The following UBE2E1 variants were observed in gnomAD, a reference collection of about 807,000 sequenced individuals.
The protein encoded by UBE2E1 is ubiquitin-conjugating enzyme E2 E1.
In UBE2E1, 6 loss-of-function variants were observed where a neutral mutation model predicts 21.4. That is an observed-to-expected ratio of 0.28 (90% CI 0.15 to 0.55). The LOEUF is 0.55. UBE2E1 is among the 20% of genes least tolerant of loss of function. The probability of loss-of-function intolerance (pLI) is 0.93; values close to 1 mark genes in which losing one functional copy is unlikely to be tolerated. For missense variants in UBE2E1, 142 were observed against 236.5 expected, an observed-to-expected ratio of 0.60 and a Z score of 2.62; for synonymous variants, 87 against 82.7, an observed-to-expected ratio of 1.05 and a Z score of -0.28.
intron 3 of UBE2E1, among the ~76,000 whole-genome samples, chr3:23,877,244 G>A (rs911624724): frequency 6.6e-6 from 1 of 152,146 alleles, no homozygotes; most frequent in Non-Finnish European, 1.5e-5. Flanking sequence ...CAGGGTATAT[G>A]CAAATTAACT....
chr3:23,859,048 G>A (rs569642151), intron 3 of UBE2E1, among the ~76,000 whole-genome samples: 3 of 152,118 alleles, frequency 2.0e-5, no homozygotes, highest in South Asian at 2.1e-4. Flanking sequence ...TACCATTTTT[G>A]TGTATCTTAC....
rs1380327129 is a variant in UBE2E1, at chr3:23,842,086, G to C, written c.203+30576G>C. ...CTTAAAACCTTTATTGTAACTAGGT[G>C]AAAGTAAATGTGGTGTAACTTTTGG... On this transcript the variant is annotated intron_variant, in intron 3 of 5. Coordinates refer to ENST00000306627, the MANE Select transcript of UBE2E1 (RefSeq NM_003341.5). This position sits in a 1 kb window ranked among gnomAD's most constrained non-coding sequence, Gnocchi z 4.6. 2.0e-5 allele frequency among the ~76,000 whole-genome samples: 3 copies of C among 152,154 alleles called. No homozygotes were observed. The East Asian group carries it at 5.8e-4, about 29-fold the overall frequency.
At chr3:23,814,534 A>G (rs931227179) in intron 3 of UBE2E1, among the ~76,000 whole-genome samples, 5 of 152,018 alleles carry the variant, frequency 3.3e-5, no homozygotes, top group South Asian at 4.2e-4. Context: ...TAGTTTCCCA[A>G]CTCACTCTTC....
In UBE2E1 at chr3:23,863,484, A is replaced by C. The variant is rs1370666307; in HGVS notation, c.204-24083A>C. ...CCAGATGCCTTCACAATTATCTAAA[A>C]GTCCTCAAAAGACATTCAGATGCAT... is the stretch of plus-strand genomic sequence containing the variant. On this transcript the variant is annotated intron_variant, in intron 3 of 5. Transcript: ENST00000306627. This position sits in a 1 kb window ranked among gnomAD's most constrained non-coding sequence, Gnocchi z 4.3. 6.6e-6 allele frequency among the ~76,000 whole-genome samples: 1 copy of C among 152,150 alleles called. No homozygotes were observed. Among genetic ancestry groups the C allele is most frequent in the Non-Finnish European group, 1.5e-5 (1 of 68,018 alleles).
intron 3 of UBE2E1, among the ~76,000 whole-genome samples, chr3:23,844,761 A>G (rs1450444150): frequency 6.6e-6 from 1 of 152,166 alleles, no homozygotes; most frequent in African/African-American, 2.4e-5. Context: ...GTTCATGAAC[A>G]TGTAGGTCAG....
At chr3:23,813,694 C>A (rs1699450407) in intron 3 of UBE2E1, among the ~76,000 whole-genome samples, 1 of 152,150 alleles carries the variant, frequency 6.6e-6, no homozygotes, top group Non-Finnish European at 1.5e-5. Flanking sequence ...AGGCACGTGC[C>A]ACCATGCCCA....
At chr3:23,886,799 C>T (rs573078264) in intron 3 of UBE2E1, among the ~76,000 whole-genome samples, 3 of 152,186 alleles carry the variant, frequency 2.0e-5, no homozygotes, top group Non-Finnish European at 4.4e-5. Context: ...TGAATAAATC[C>T]AATTCACATC....
At chr3:23,856,486 T>A (rs955818538) in intron 3 of UBE2E1, among the ~76,000 whole-genome samples, 2 of 152,244 alleles carry the variant, frequency 1.3e-5, no homozygotes, top group Non-Finnish European at 2.9e-5. Flanking sequence ...GGCATTATTT[T>A]CCTGGTACAT....
chr3:23,845,577 CTCTCTCTCTCTCTG>C (rs1285210868), intron 3 of UBE2E1, among the ~76,000 whole-genome samples: 7 of 58,906 alleles, frequency 1.2e-4, no homozygotes, highest in African/African-American at 4.1e-4. Context: ...CTCTCTCTCT[CTCTCTCTCTCTCTG>C]TGTGTGTGTG....
At chr3:23,844,440 A>G (rs1700154886) in intron 3 of UBE2E1, among the ~76,000 whole-genome samples, 1 of 152,178 alleles carries the variant, frequency 6.6e-6, no homozygotes, top group African/African-American at 2.4e-5. Context: ...GCCACATAGT[A>G]TTCCAAGGGG....
chr3:23,882,753 C>T (rs567714739), intron 3 of UBE2E1, among the ~76,000 whole-genome samples: 29 of 152,320 alleles, frequency 1.9e-4, no homozygotes, highest in African/African-American at 3.8e-4. Flanking sequence ...GGGGACCAGG[C>T]GCACCCTCTG....
chr3:23,864,419 T>C (rs1297803784), intron 3 of UBE2E1, among the ~76,000 whole-genome samples: 1 of 152,232 alleles, frequency 6.6e-6, no homozygotes, highest in Admixed American at 6.5e-5. Context: ...ATTCAAATCT[T>C]TGTCCTTCCT....
rs58491698 is a variant in UBE2E1 at position 23,842,249 on chromosome 3, G to GTGTGTGTGTGTGT, written c.203+30739_203+30740insTGTGTGTGTGTGT. Among the ~76,000 whole-genome samples the GTGTGTGTGTGTGT allele has an allele frequency of 3.1e-5, 3 of 98,326 alleles. No homozygotes were observed. Among genetic ancestry groups the GTGTGTGTGTGTGT allele is most frequent in the South Asian group, 3.7e-4 (1 of 2,726 alleles). The allele number at this position is 98,326 out of a possible 152,430, so 64.5% of individuals were successfully genotyped here. ...TGTGTGTGTGTGTGTGTGTGTGTGT[G>GTGTGTGTGTGTGT]GTGTTGTTGTTGTTGGCGACAGGGT... On this transcript the variant is annotated intron_variant, in intron 3 of 5. Coordinates refer to ENST00000306627, the MANE Select transcript of UBE2E1 (RefSeq NM_003341.5). The surrounding 1 kb of genome is among the most constrained non-coding windows in gnomAD (Gnocchi z 4.6).
chr3:23,840,671 C>G (rs1700066796), intron 3 of UBE2E1, among the ~76,000 whole-genome samples: 1 of 152,120 alleles, frequency 6.6e-6, no homozygotes. Flanking sequence ...GGAGTGTTCT[C>G]TCTGTTCTCT....
chr3:23,844,857 G>A (rs544209687), intron 3 of UBE2E1, among the ~76,000 whole-genome samples: 13 of 152,186 alleles, frequency 8.5e-5, no homozygotes, highest in Admixed American at 6.5e-4. Flanking sequence ...ATTTATTACC[G>A]TAGCCCTGTG....
At position 23,816,141 on chromosome 3, in the gene UBE2E1, A is replaced by G. The variant is rs1037498046; in HGVS notation, c.203+4631A>G. 6.6e-6 allele frequency among the ~76,000 whole-genome samples: 1 copy of G among 152,230 alleles called. No individual in the cohort carries two copies. The highest frequency in any genetic ancestry group is 1.5e-5 in the Non-Finnish European group (1 of 68,044). ...TGGATTGTAAAACTGTACTATTGTT[A>G]TTCCTCAGAAAGCTAAACAGAATTA... On this transcript the variant is annotated intron_variant, in intron 3 of 5. Transcript: ENST00000306627. The surrounding 1 kb of genome is among the most constrained non-coding windows in gnomAD (Gnocchi z 4.8).
chr3:23,861,912 A>G (rs542079687), intron 3 of UBE2E1, among the ~76,000 whole-genome samples: 3 of 152,360 alleles, frequency 2.0e-5, no homozygotes, highest in East Asian at 1.9e-4. Context: ...AAGCCAGGAT[A>G]CAGAAAGCCC....
intron 3 of UBE2E1, among the ~76,000 whole-genome samples, chr3:23,878,531 C>T (rs553965426): frequency 2.6e-5 from 4 of 152,348 alleles, no homozygotes; most frequent in African/African-American, 7.2e-5. Context: ...GTGGGCAGGC[C>T]GGCCAGCTGA....
chr3:23,814,614 G>A (rs922575810), intron 3 of UBE2E1, among the ~76,000 whole-genome samples: 4 of 152,082 alleles, frequency 2.6e-5, no homozygotes, highest in African/African-American at 9.7e-5. Context: ...TGTTAACTTT[G>A]TAATGATTCC....
Sources: gnomAD v4.1 joint callset for allele counts (sites outside exome capture counted in the v4.1 genomes callset) on GRCh38, gnomAD v4.1.1 for gene constraint, Gnocchi (gnomAD v3.1) non-coding constraint, MANE v1.5 for transcripts, NCBI Gene and HGNC (gene_info 2026-07-23, HGNC 2026-07-21) for gene names.